The following FGF22 variants were observed in gnomAD, a reference collection of about 807,000 sequenced individuals.
The protein encoded by FGF22 is FGF-22.
FGF22 carries 11 observed loss-of-function variants against 10.3 expected under a neutral mutation model. That is an observed-to-expected ratio of 1.07 (90% CI 0.67 to 1.77). The LOEUF (loss-of-function observed/expected upper bound fraction) is 1.77, where lower values mean the gene tolerates loss of function less well. Among genes scored for constraint, FGF22 ranks in the 40% most tolerant of loss-of-function variants. The probability of loss-of-function intolerance (pLI) is 0.00; values close to 1 mark genes in which losing one functional copy is unlikely to be tolerated. For missense variants in FGF22, 317 were observed against 273.2 expected (o/e 1.16, Z -1.13); for synonymous variants, 136 against 122.1 (o/e 1.11, Z -0.75).
exon 3 of FGF22, chr19:643,411 G>A (rs199848240): frequency 6.2e-6 from 10 of 1,610,570 alleles, no homozygotes; most frequent in East Asian, 2.2e-5. Context: ...CGCCCGCAGC[G>A]ACTCTACACC....
intron 1 of FGF22, among the ~76,000 whole-genome samples, 155 bp from the exon 2 acceptor site, chr19:643,080 G>A (rs1017656874): frequency 3.3e-5 from 5 of 152,098 alleles, no homozygotes; most frequent in South Asian, 4.1e-4. Flanking sequence ...GGCTCTGGGG[G>A]ATCCTGAGTG....
chr19:642,518 C>G (rs57792718), intron 1 of FGF22, among the ~76,000 whole-genome samples: 1 of 34,772 alleles, frequency 2.9e-5, no homozygotes, highest in Non-Finnish European at 5.1e-5. Context: ...GGGCTGGGGG[C>G]TCCATATGGG....
exon 3 of FGF22, chr19:644,253 G>C (rs986419812): frequency 6.5e-5 from 10 of 153,564 alleles, no homozygotes; most frequent in Admixed American, 5.8e-4. Context: ...AGGCGGGAAC[G>C]GTTCCGCACT....
At chr19:643,536 C>A in exon 3 of FGF22, 2 of 1,600,922 alleles carry the variant, frequency 1.2e-6, no homozygotes, top group Non-Finnish European at 1.7e-6. Flanking sequence ...GAGGGGGGGG[C>A]CCCGGCCAGG....
exon 3 of FGF22, chr19:643,657 C>G: frequency 7.2e-7 from 1 of 1,382,346 alleles, no homozygotes; most frequent in Non-Finnish European, 9.6e-7. Flanking sequence ...GGCGAGGGGC[C>G]CGGCCACGCT....
exon 2 of FGF22, chr19:643,322 G>T (rs199657035): frequency 1.3e-6 from 2 of 1,596,238 alleles, no homozygotes; most frequent in African/African-American, 2.7e-5. Flanking sequence ...AACCGCCGGG[G>T]CCGCCTCTAC....
chr19:642,891 A>G (rs1351674698), intron 1 of FGF22, among the ~76,000 whole-genome samples: 3 of 151,822 alleles, frequency 2.0e-5, no homozygotes, highest in African/African-American at 4.8e-5. Flanking sequence ...CCCGCCATAC[A>G]CACACACAGA....
chr19:642,219 G>A (rs1014661503), intron 1 of FGF22, among the ~76,000 whole-genome samples: 1 of 84,442 alleles, frequency 1.2e-5, no homozygotes, highest in Non-Finnish European at 2.6e-5. Flanking sequence ...GTGAGGGCCG[G>A]GCTGGGGGCT....
At chr19:643,625 T>TC (rs1985990482) in exon 3 of FGF22, 1 of 1,490,094 alleles carries the variant, frequency 6.7e-7, no homozygotes, top group Non-Finnish European at 8.9e-7. Context: ...GGCCGGCGGC[T>TC]CCCCAAGGTG....
exon 1 of FGF22, chr19:640,094 C>T (rs773273941): frequency 1.9e-5 from 26 of 1,405,382 alleles, no homozygotes; most frequent in African/African-American, 6.0e-5. Flanking sequence ...GCGCGTGGAT[C>T]CCGGCGGCCG....
chr19:643,610 T>C (rs1429904429), exon 3 of FGF22: 4 of 1,512,372 alleles, frequency 2.6e-6, no homozygotes, highest in African/African-American at 1.4e-5. Context: ...CCTGAGGCCC[T>C]GAGAGGCCGG....
At chr19:643,081 A>C (rs77066866) in intron 1 of FGF22, among the ~76,000 whole-genome samples, 154 bp from the exon 2 acceptor site, 33 of 7,150 alleles carry the variant, frequency 4.6e-3, no homozygotes, top group African/African-American at 9.1e-3. Context: ...GCTCTGGGGG[A>C]TCCTGAGTGT....
At chr19:643,143 C>A (rs556752802) in intron 1 of FGF22, 92 bp from the exon 2 acceptor site, 4 of 240,564 alleles carry the variant, frequency 1.7e-5, no homozygotes, top group Non-Finnish European at 2.7e-5. Flanking sequence ...TGGTATCTGT[C>A]GTGGTCCTGA....
At chr19:642,315 CAT>C (rs57247951) in intron 1 of FGF22, among the ~76,000 whole-genome samples, 87 of 2,988 alleles carry the variant, frequency 0.029, 16 homozygotes, top group African/African-American at 0.051. Flanking sequence ...CTGGGGGCTC[CAT>C]ATGGGGTGGT....
At chr19:643,650 G>A (rs763858090) in exon 3 of FGF22, 15 of 1,409,380 alleles carry the variant, frequency 1.1e-5, no homozygotes, top group African/African-American at 4.3e-5. Flanking sequence ...GGCTGGTGGC[G>A]AGGGGCCCGG....
exon 2 of FGF22, chr19:643,311 G>C (rs1470380231): frequency 1.3e-6 from 2 of 1,594,512 alleles, no homozygotes; most frequent in Non-Finnish European, 8.5e-7. Context: ...ACGTGGCCAT[G>C]AACCGCCGGG....
intron 2 of FGF22, 28 bp downstream of exon 2, chr19:643,366 CGGGCAGGGT>C: frequency 2.8e-6 from 2 of 725,264 alleles, no homozygotes; most frequent in Non-Finnish European, 4.3e-6. Context: ...CTGGGCGGCG[CGGGCAGGGT>C]GGGGAGGGTG....
At chr19:642,829 C>T (rs541876876) in intron 1 of FGF22, among the ~76,000 whole-genome samples, 71 of 134,928 alleles carry the variant, frequency 5.3e-4, no homozygotes, top group Non-Finnish European at 9.6e-4. Context: ...CAACCTTCCT[C>T]GTGGTGTTGC....
exon 3 of FGF22, chr19:643,470 T>G: frequency 1.2e-6 from 2 of 1,611,364 alleles, no homozygotes; most frequent in Non-Finnish European, 1.7e-6. Context: ...CCACAACACC[T>G]ACGCCTCACA....
Sources: gnomAD v4.1 joint callset for allele counts (sites outside exome capture counted in the v4.1 genomes callset) on GRCh38, gnomAD v4.1.1 for gene constraint, MANE v1.5 for transcripts, NCBI Gene and HGNC (gene_info 2026-07-23, HGNC 2026-07-21) for gene names.